FBXW8: variants seen among roughly 807,000 people sequenced by gnomAD.
FBXW8 encodes F-box/WD repeat-containing protein 8.
A neutral mutation model predicts 65.3 loss-of-function variants in FBXW8; 57 were observed. The observed-to-expected ratio is 0.87, with a 90% CI of 0.71 to 1.09. The LOEUF (loss-of-function observed/expected upper bound fraction) is 1.09, where lower values mean the gene tolerates loss of function less well. Among genes scored for constraint, FBXW8 ranks in the 50% least tolerant of loss-of-function variants. The pLI is 0.00. For synonymous variants in FBXW8, 308 were observed against 330.2 expected (o/e 0.93, Z 0.73); for missense variants, 777 against 814.8 (o/e 0.95, Z 0.57).
At chr12:116,949,486 C>A in intron 3 of FBXW8, 132 bp from the exon 4 acceptor site, 1 of 742,640 alleles carries the variant, frequency 1.3e-6, no homozygotes, top group Non-Finnish European at 2.4e-6. Context: ...TTTGAATGCC[C>A]ATGGAACTTT....
chr12:116,931,439 A>G (rs953964804), intron 2 of FBXW8, among the ~76,000 whole-genome samples: 6 of 152,036 alleles, frequency 3.9e-5, no homozygotes, highest in African/African-American at 1.4e-4. Context: ...GAATTTTTAT[A>G]GAGATTGCAT....
At chr12:117,004,583 G>C (rs1349326824) in intron 7 of FBXW8, among the ~76,000 whole-genome samples, 2 of 152,210 alleles carry the variant, frequency 1.3e-5, no homozygotes, top group African/African-American at 4.8e-5. Flanking sequence ...CCCAGAACTT[G>C]TGTGGGGGCA....
rs1446221919 is a variant in FBXW8 at position 116,942,393 on chromosome 12, G to A, written c.424-2971G>A. On this transcript the variant is annotated intron_variant, in intron 2 of 10. Coordinates refer to ENST00000652555, the MANE Select transcript of FBXW8 (RefSeq NM_153348.3). ...TTCCTGATTTTTTTTTTTTTTTTCC[G>A]AGACAGAGTCTTGCGCTGTTGCCCA... 3.8e-5 allele frequency among the ~76,000 whole-genome samples: 4 copies of A among 105,236 alleles called. No individual in the cohort carries two copies. The South Asian group carries it at 1.3e-3, about 33-fold the overall frequency. 69.0% of individuals were successfully genotyped at this position (105,236 alleles called of 152,430 possible).
chr12:117,028,130 C>G lies in FBXW8; in HGVS notation c.1755C>G (p.His585Gln). The G allele has an allele frequency of 6.2e-7, 1 of 1,614,184 alleles. No individual in the cohort carries two copies. Among genetic ancestry groups the G allele is most frequent in the Non-Finnish European group, 8.5e-7 (1 of 1,180,024 alleles). Residue 585 changes from histidine to glutamine, a missense_variant, in exon 11 of 11, where the codon CAC (histidine) becomes CAG (glutamine). Transcript: ENST00000652555. This position sits in a 1 kb window ranked among gnomAD's most constrained non-coding sequence, Gnocchi z 4.1. ...CRSSCDAMAT[H>Q]YYDLALAFPY... ...CATCCTGTGACGCCATGGCCACTCA[C>G]TACTACGACCTCGCACTGGCCTTTC...
intron 9 of FBXW8, among the ~76,000 whole-genome samples, chr12:117,025,693 T>A (rs1395888731): frequency 6.6e-6 from 1 of 152,170 alleles, no homozygotes; most frequent in Non-Finnish European, 1.5e-5. Context: ...TCGGCCCTTT[T>A]TCTGAATGGT....
chr12:116,992,867 T>A (rs142658746), intron 7 of FBXW8, among the ~76,000 whole-genome samples: 1,838 of 152,066 alleles, frequency 0.012, 34 homozygotes, highest in African/African-American at 0.042. Context: ...CAGTTGTGAT[T>A]TGTCCTGCAA....
chr12:116,968,083 TAA>T (rs1455984602), intron 5 of FBXW8, among the ~76,000 whole-genome samples: 3 of 152,224 alleles, frequency 2.0e-5, no homozygotes, highest in Non-Finnish European at 4.4e-5. Flanking sequence ...ATTTATTCTT[TAA>T]TGGACTTGTT....
chr12:117,029,997 T>C lies in FBXW8; in HGVS notation c.*1825T>C, dbSNP rs1001879014. The C allele has an allele frequency of 2.6e-5, 4 of 151,774 alleles. No homozygotes were observed. The highest frequency in any genetic ancestry group is 4.4e-5 in the Non-Finnish European group (3 of 67,970). 9.4% of individuals were successfully genotyped at this position (151,774 alleles called of 1,614,324 possible). A position where few individuals can be genotyped will look rare whatever the true frequency, so the allele number is the denominator to read the frequency against. On this transcript the variant is annotated 3_prime_UTR_variant, in exon 11 of 11. Transcript: ENST00000652555. ...AGTGGTCTATGAGGAAGAGAAAAGG[T>C]ACCTGAGGATGCAGAAGTACCTACC...
At chr12:116,977,607 G>C in intron 5 of FBXW8, 1 of 152,042 alleles carries the variant, frequency 6.6e-6, no homozygotes, top group Non-Finnish European at 1.5e-5. Flanking sequence ...AGAGGCATCT[G>C]CTACTACCAG....
intron 1 of FBXW8, among the ~76,000 whole-genome samples, chr12:116,914,498 A>G (rs1880242155): frequency 6.9e-6 from 1 of 145,152 alleles, no homozygotes; most frequent in Non-Finnish European, 1.5e-5. Context: ...GATTGAGGCC[A>G]GGAGGTCGAG....
intron 8 of FBXW8, among the ~76,000 whole-genome samples, chr12:117,017,680 A>T (rs1402966242): frequency 6.6e-6 from 1 of 152,218 alleles, no homozygotes; most frequent in African/African-American, 2.4e-5. Context: ...TTGGTCATAA[A>T]AAAAGCCTAC....
intron 1 of FBXW8, among the ~76,000 whole-genome samples, chr12:116,917,749 T>C (rs2137288758): frequency 6.6e-6 from 1 of 151,922 alleles, no homozygotes; most frequent in East Asian, 1.9e-4. Flanking sequence ...TCCCAGCACT[T>C]TGGGAGGCCG....
At chr12:116,954,388 GT>G (rs1325167270) in intron 4 of FBXW8, among the ~76,000 whole-genome samples, 1 of 151,876 alleles carries the variant, frequency 6.6e-6, no homozygotes, top group African/African-American at 2.4e-5. Context: ...TCTTTGACTT[GT>G]TGCAAAAACA....
At chr12:116,945,577 C>A (rs571556675) in intron 3 of FBXW8, 49 bp downstream of exon 3, 1 of 1,560,978 alleles carries the variant, frequency 6.4e-7, no homozygotes, top group Admixed American at 1.7e-5. Context: ...CCTGCAAGGA[C>A]ATGGGAATCC....
At chr12:116,931,528 G>T (rs1881770959) in intron 2 of FBXW8, among the ~76,000 whole-genome samples, 2 of 151,798 alleles carry the variant, frequency 1.3e-5, no homozygotes, top group African/African-American at 2.4e-5. Context: ...CTATTTATTT[G>T]TATCATCCGT....
chr12:116,928,289 A>G (rs1053968540), intron 2 of FBXW8, among the ~76,000 whole-genome samples, 162 bp downstream of exon 2: 1 of 152,176 alleles, frequency 6.6e-6, no homozygotes, highest in Admixed American at 6.5e-5. Flanking sequence ...ACCTTAGAGG[A>G]TTATGTTCCA....
In FBXW8 at chr12:116,911,083, G is replaced by T. The variant is rs1444457441; in HGVS notation, c.46G>T (p.Glu16Ter). The T allele has an allele frequency of 6.9e-7, 1 of 1,448,644 alleles. No homozygotes were observed. The highest frequency in any genetic ancestry group is 9.0e-7 in the Non-Finnish European group (1 of 1,109,534). 89.7% of individuals were successfully genotyped at this position (1,448,644 alleles called of 1,614,324 possible). Residue 16 changes from glutamate to a stop codon, truncating the protein, a stop_gained, in exon 1 of 11, where the codon GAG becomes TAG. Coordinates refer to ENST00000652555, the MANE Select transcript of FBXW8 (RefSeq NM_153348.3). LOFTEE classifies it high-confidence loss of function. ...TGAGTTCCGTCGGCGCTGGCAGGAG[G>T]AGCTGGCGCAGGCCCAGGCGCCGAA... ...LDEFRRRWQE[E>*]LAQAQAPKKR...
rs763385940 is a variant in FBXW8 at position 116,985,204 on chromosome 12, A to C, written c.836-2A>C. The C allele has an allele frequency of 1.9e-6, 3 of 1,594,082 alleles. No homozygotes were observed. The highest frequency in any genetic ancestry group is 1.7e-6 in the Non-Finnish European group (2 of 1,172,006). ...TTACCTGCATTGTTTCTTGCTGCAT[A>C]GGGTTTCTTAATATTTGGGATTTAA... On this transcript the variant is annotated splice_acceptor_variant, in intron 5 of 10. Transcript: ENST00000652555. LOFTEE classifies it high-confidence loss of function.
intron 1 of FBXW8, among the ~76,000 whole-genome samples, chr12:116,912,451 CTTTTTTTTTT>C (rs34430069): frequency 1.2e-5 from 1 of 86,482 alleles, no homozygotes; most frequent in South Asian, 4.1e-4. Context: ...GAGAATCATT[CTTTTTTTTTT>C]TTTTTTTTTT....
Sources: gnomAD v4.1 joint callset for allele counts (sites outside exome capture counted in the v4.1 genomes callset) on GRCh38, gnomAD v4.1.1 for gene constraint, Gnocchi (gnomAD v3.1) non-coding constraint, MANE v1.5 for transcripts, NCBI Gene and HGNC (gene_info 2026-07-23, HGNC 2026-07-21) for gene names.